Variants in RGMA observed in about 807,000 individuals in gnomAD.
The protein encoded by RGMA is repulsive guidance molecule A.
A neutral mutation model predicts 23.2 loss-of-function variants in RGMA; 10 were observed. The ratio of observed to expected loss-of-function variants is 0.43; its 90% CI spans 0.27 to 0.73. RGMA has a LOEUF of 0.73. Ranked by LOEUF, RGMA falls within the 30% of genes least tolerant of loss-of-function variation. RGMA has a pLI of 0.20. For synonymous variants in RGMA, 308 were observed against 279.3 expected (o/e 1.10, Z -1.03); for missense variants, 547 against 630.5 (o/e 0.87, Z 1.42).
chr15:93,049,379 A>G (rs1368515234), intron 3 of RGMA, among the ~76,000 whole-genome samples: 1 of 152,204 alleles, frequency 6.6e-6, no homozygotes, highest in African/African-American at 2.4e-5. Context: ...CAGCGGGGAA[A>G]GGAAGGGGAA....
intron 2 of RGMA, chr15:93,066,565 CG>C: frequency 2.1e-6 from 1 of 471,924 alleles, no homozygotes; most frequent in Non-Finnish European, 4.1e-6. Flanking sequence ...GGCTTCCCTG[CG>C]GGCACTGGTA....
chr15:93,044,162 C>T lies in RGMA; in HGVS notation c.*836G>A, dbSNP rs1245264501. The T allele has an allele frequency of 6.6e-6, 1 of 152,398 alleles. No homozygotes were observed. The highest frequency in any genetic ancestry group is 1.5e-5 in the Non-Finnish European group (1 of 68,160). The allele number at this position is 152,398 out of a possible 1,614,324, so 9.4% of individuals were successfully genotyped here. ...CATCCACTGGGTCTCCTGCCACACCCTGGGGCCCAGGCACCCCTGCCCAGG... is the reference window on the plus strand; with the variant it reads ...CATCCACTGGGTCTCCTGCCACACCTTGGGGCCCAGGCACCCCTGCCCAGG... On this transcript the variant is annotated 3_prime_UTR_variant, in exon 4 of 4. Coordinates refer to ENST00000329082, the MANE Select transcript of RGMA (RefSeq NM_020211.3).
intron 1 of RGMA, among the ~76,000 whole-genome samples, chr15:93,085,859 C>T (rs1303845280): frequency 6.6e-6 from 1 of 152,178 alleles, no homozygotes; most frequent in Non-Finnish European, 1.5e-5. Flanking sequence ...AACTGGGTAT[C>T]CTTTCAATAG....
In RGMA at chr15:93,042,833, G is replaced by A. The variant is rs1055668491; in HGVS notation, c.*2165C>T. ...CTCCTGCAGCACCACTGCTCCGCCC[G>A]GGCTATGAGAAGATGGGCACTGGCA... is the stretch of plus-strand genomic sequence containing the variant. On this transcript the variant is annotated 3_prime_UTR_variant, in exon 4 of 4. Coordinates refer to ENST00000329082, the MANE Select transcript of RGMA (RefSeq NM_020211.3). 2 of 152,292 alleles carry A rather than the reference G, an allele frequency of 1.3e-5. No individual in the cohort carries two copies. The highest frequency in any genetic ancestry group is 2.9e-5 in the Non-Finnish European group (2 of 68,150). The allele number at this position is 152,292 out of a possible 1,614,324, so 9.4% of individuals were successfully genotyped here.
chr15:93,087,464 C>CAAAAAAAAAAA lies in RGMA; in HGVS notation c.14+1444_14+1454dup, dbSNP rs60714695. Among the ~76,000 whole-genome samples, 3 of 74,482 alleles carry CAAAAAAAAAAA rather than the reference C, an allele frequency of 4.0e-5. 1 individual carries two copies. Among genetic ancestry groups the CAAAAAAAAAAA allele is most frequent in the Admixed American group, 3.8e-4 (2 of 5,330 alleles). 48.9% of individuals were successfully genotyped at this position (74,482 alleles called of 152,430 possible). On this transcript the variant is annotated intron_variant, in intron 1 of 3. Coordinates refer to ENST00000329082, the MANE Select transcript of RGMA (RefSeq NM_020211.3). ...GCAAGAAACCCCTTCTTTGTATGTG[C>CAAAAAAAAAAA]AAAAAAAAAAAAAAAAAAAACCACA...
At chr15:93,073,472 G>A (rs1328973327) in intron 1 of RGMA, 2 of 1,111,608 alleles carry the variant, frequency 1.8e-6, no homozygotes, top group South Asian at 1.6e-5. Flanking sequence ...AGGCCGCAGG[G>A]CATGAGGCGG....
intron 3 of RGMA, among the ~76,000 whole-genome samples, chr15:93,051,511 C>G (rs1304999150): frequency 3.9e-5 from 6 of 152,226 alleles, no homozygotes; most frequent in African/African-American, 1.4e-4. Context: ...CTGGGGTAGA[C>G]AGGAGTGTCC....
Position 93,045,883 on chromosome 15 carries a change from C to A in RGMA, c.646-178G>T, listed in dbSNP as rs754688605. ...CCTGCGCAGCTGTGCACTTCACATT[C>A]TTTCAATGAAAACAACTTGCCCTTT... is the stretch of plus-strand genomic sequence containing the variant. On this transcript the variant is annotated intron_variant, in intron 3 of 3. Coordinates refer to ENST00000329082, the MANE Select transcript of RGMA (RefSeq NM_020211.3). This position sits in a 1 kb window ranked among gnomAD's most constrained non-coding sequence, Gnocchi z 6.9. Among the ~76,000 whole-genome samples, 4 of 152,216 alleles carry A rather than the reference C, an allele frequency of 2.6e-5. No individual in the cohort carries two copies. The highest frequency in any genetic ancestry group is 5.9e-5 in the Non-Finnish European group (4 of 68,040).
At chr15:93,056,374 C>A (rs1194501839) in intron 2 of RGMA, among the ~76,000 whole-genome samples, 2 of 150,242 alleles carry the variant, frequency 1.3e-5, no homozygotes, top group Non-Finnish European at 3.0e-5. Context: ...CCACCTTAGC[C>A]CTGATGCAGA....
chr15:93,073,232 G>C (rs941444944), intron 1 of RGMA: 3 of 1,131,690 alleles, frequency 2.7e-6, no homozygotes, highest in Non-Finnish European at 1.1e-6. Context: ...ATGTCGACGC[G>C]GCCCCGCGCC....
rs200507795 is a variant in RGMA at position 93,052,083 on chromosome 15, G to A, written c.555C>T (p.Gly185=). ...AATTATTGTCGATGAGCGGCCAGGC[G>A]CCCTGCACCTTGCAGGTCTGGAAGC... ...TDRFQTCKVQ[G]AWPLIDNNYL... Residue 185 remains glycine (G), a synonymous_variant, in exon 3 of 4, where the codon GGC becomes GGT. Coordinates refer to ENST00000329082, the MANE Select transcript of RGMA (RefSeq NM_020211.3). The A allele has an allele frequency of 3.0e-5, 48 of 1,613,372 alleles. No individual in the cohort carries two copies. The highest frequency in any genetic ancestry group is 3.0e-4 in the South Asian group (27 of 90,978).
chr15:93,046,282 C>CAGAG (rs1445733356), intron 3 of RGMA, among the ~76,000 whole-genome samples: 1 of 152,124 alleles, frequency 6.6e-6, no homozygotes, highest in African/African-American at 2.4e-5. Context: ...CTCAACAAGG[C>CAGAG]AGAGATTCGA....
intron 1 of RGMA, 50 bp from the exon 2 acceptor site, chr15:93,073,081 A>G (rs770616313): frequency 4.3e-4 from 647 of 1,504,286 alleles, no homozygotes; most frequent in South Asian, 1.3e-3. Context: ...CGCTGCGAAG[A>G]AAGGGCAGCC....
At chr15:93,070,416 A>G (rs1167392608) in intron 2 of RGMA, among the ~76,000 whole-genome samples, 2 of 152,132 alleles carry the variant, frequency 1.3e-5, no homozygotes, top group Non-Finnish European at 2.9e-5. Context: ...AGGGGCCCCC[A>G]GTGTGTCTGG....
At chr15:93,048,824 G>A (rs1054621922) in intron 3 of RGMA, among the ~76,000 whole-genome samples, 6 of 151,538 alleles carry the variant, frequency 4.0e-5, no homozygotes, top group Admixed American at 3.9e-4. Flanking sequence ...GGTCTGGGCC[G>A]TGGGTGGTCC....
intron 2 of RGMA, among the ~76,000 whole-genome samples, chr15:93,067,706 G>T (rs1233819175): frequency 6.6e-6 from 1 of 152,044 alleles, no homozygotes; most frequent in African/African-American, 2.4e-5. Flanking sequence ...GGTGACCCAG[G>T]GCTTGGGGAT....
At chr15:93,075,335 A>G (rs1895455173) in intron 1 of RGMA, among the ~76,000 whole-genome samples, 1 of 152,230 alleles carries the variant, frequency 6.6e-6, no homozygotes, top group African/African-American at 2.4e-5. Flanking sequence ...TTGCACAAAA[A>G]GCAAAGGTGC....
rs199964657 is a variant in RGMA, at chr15:93,052,140, G to A, written c.498C>T (p.Phe166=). The A allele has an allele frequency of 6.1e-4, 990 of 1,613,932 alleles. 9 individuals carry two copies. The highest frequency in any genetic ancestry group is 3.7e-4 in the African/African-American group (28 of 75,062). ...TGAAAGTCCTGAGGTGTGGGTCCCC[G>A]AAGAGGCCACAGTGCGTGTAGTTGG... ...ATPNYTHCGL[F]GDPHLRTFTD... Residue 166 remains phenylalanine, a synonymous_variant, in exon 3 of 4, where the codon TTC becomes TTT. Coordinates refer to ENST00000329082, the MANE Select transcript of RGMA (RefSeq NM_020211.3).
chr15:93,063,948 G>A (rs1430217457), intron 2 of RGMA, among the ~76,000 whole-genome samples: 10 of 152,338 alleles, frequency 6.6e-5, no homozygotes, highest in Admixed American at 3.3e-4. Flanking sequence ...GGTACTGCCC[G>A]TGTCACAGCC....
Sources: gnomAD v4.1 joint callset for allele counts (sites outside exome capture counted in the v4.1 genomes callset) on GRCh38, gnomAD v4.1.1 for gene constraint, Gnocchi (gnomAD v3.1) non-coding constraint, MANE v1.5 for transcripts, NCBI Gene and HGNC (gene_info 2026-07-23, HGNC 2026-07-21) for gene names.